Variants in TMEM150C observed in about 807,000 individuals in gnomAD.
TMEM150C encodes the protein tentonin 3.
In TMEM150C, 10 loss-of-function variants were observed where a neutral mutation model predicts 29.9. The observed-to-expected ratio is 0.33, with a 90% confidence interval of 0.21 to 0.57. The LOEUF is 0.57. Ranked by LOEUF, TMEM150C falls within the 20% of genes least tolerant of loss-of-function variation. The pLI, the probability that TMEM150C is intolerant of heterozygous loss-of-function variation, is 0.88. For synonymous variants in TMEM150C, 101 were observed against 112.5 expected, an observed-to-expected ratio of 0.90 and a Z score of 0.64; for missense variants, 251 against 303.6, an observed-to-expected ratio of 0.83 and a Z score of 1.29.
Position 82,484,294 on chromosome 4 carries a change from TG to T in TMEM150C, c.*1216del, listed in dbSNP as rs1723091545. 1 of 151,676 alleles carries T rather than the reference TG, an allele frequency of 6.6e-6. No homozygotes were observed. The highest frequency in any genetic ancestry group is 2.4e-5 in the African/African-American group (1 of 41,248). 9.4% of individuals were successfully genotyped at this position (151,676 alleles called of 1,614,324 possible). On this transcript the variant is annotated 3_prime_UTR_variant, in exon 8 of 8. Transcript: ENST00000449862. ...GTCTGAGTTCTGAACTCTCAGCAGG[TG>T]GGAACTGGGAACTGCGGGTTGGCTA...
chr4:82,523,908 C>A (rs1260757760), intron 1 of TMEM150C, among the ~76,000 whole-genome samples: 2 of 151,736 alleles, frequency 1.3e-5, no homozygotes, highest in South Asian at 2.1e-4. Flanking sequence ...TCTTGAACTC[C>A]TGACCTCAGG....
intron 1 of TMEM150C, among the ~76,000 whole-genome samples, chr4:82,530,689 G>A (rs997760883): frequency 5.3e-5 from 8 of 152,214 alleles, no homozygotes; most frequent in African/African-American, 1.9e-4. Context: ...GTAGATGGCT[G>A]TTATGAATCC....
intron 1 of TMEM150C, among the ~76,000 whole-genome samples, chr4:82,522,452 T>A (rs745587952): frequency 6.6e-6 from 1 of 152,180 alleles, no homozygotes; most frequent in Non-Finnish European, 1.5e-5. Context: ...GGAAAAGAGA[T>A]GCTTGCAGGT....
intron 1 of TMEM150C, among the ~76,000 whole-genome samples, chr4:82,528,797 T>C (rs1724740248): frequency 6.6e-6 from 1 of 152,048 alleles, no homozygotes; most frequent in African/African-American, 2.4e-5. Flanking sequence ...GGTTTCACCA[T>C]ATTGGCCAGG....
rs990906418 is a variant in TMEM150C at position 82,549,338 on chromosome 4, C to T, written c.-11+12568G>A. On this transcript the variant is annotated intron_variant, in intron 1 of 7. Transcript: ENST00000449862. ...ACATGGATGAATCATGAGGACATTACGCTAGGTGAAATAAGCCAGCCACAA... is the reference window on the plus strand; with the variant it reads ...ACATGGATGAATCATGAGGACATTATGCTAGGTGAAATAAGCCAGCCACAA... 5.3e-5 allele frequency among the ~76,000 whole-genome samples: 8 copies of T among 152,222 alleles called. No homozygotes were observed. In the South Asian group the frequency reaches 6.2e-4, roughly 12 times the overall value.
intron 1 of TMEM150C, among the ~76,000 whole-genome samples, chr4:82,513,471 T>C (rs1057225267): frequency 2.6e-5 from 4 of 151,688 alleles, no homozygotes; most frequent in Non-Finnish European, 5.9e-5. Context: ...ATAAATTTAA[T>C]GTCATGATAT....
At chr4:82,506,644 T>G (rs1371688843) in intron 1 of TMEM150C, among the ~76,000 whole-genome samples, 2 of 152,234 alleles carry the variant, frequency 1.3e-5, no homozygotes, top group African/African-American at 4.8e-5. Context: ...ATAAAAGCTA[T>G]TGTATGAACT....
intron 1 of TMEM150C, among the ~76,000 whole-genome samples, chr4:82,530,761 A>G (rs958078817): frequency 6.6e-6 from 1 of 152,228 alleles, no homozygotes; most frequent in South Asian, 2.1e-4. Context: ...AAGAGGTTTT[A>G]TTGGCTCACA....
chr4:82,516,628 T>G (rs2110076416), intron 1 of TMEM150C, among the ~76,000 whole-genome samples: 1 of 152,310 alleles, frequency 6.6e-6, no homozygotes, highest in South Asian at 2.1e-4. Context: ...TATAAATGGT[T>G]GTCTCAGTAC....
At chr4:82,503,740 C>CT (rs1366036720) in intron 2 of TMEM150C, among the ~76,000 whole-genome samples, 1 of 151,910 alleles carries the variant, frequency 6.6e-6, no homozygotes, top group African/African-American at 2.4e-5. Context: ...GTCCCATCTA[C>CT]TTGGGAGGCT....
At chr4:82,495,923 C>T (rs771691780) in intron 6 of TMEM150C, 145 bp downstream of exon 6, 12 of 1,020,718 alleles carry the variant, frequency 1.2e-5, no homozygotes, top group Non-Finnish European at 1.7e-5. Flanking sequence ...TCCGAGTTGC[C>T]ATGGAAAAGA....
At chr4:82,488,956 T>C (rs1173254293) in intron 7 of TMEM150C, among the ~76,000 whole-genome samples, 1 of 151,010 alleles carries the variant, frequency 6.6e-6, no homozygotes, top group African/African-American at 2.4e-5. Flanking sequence ...ACAGAGTCGA[T>C]CTTAGCTCGC....
At chr4:82,515,680 C>G (rs557675560) in intron 1 of TMEM150C, among the ~76,000 whole-genome samples, 1 of 150,400 alleles carries the variant, frequency 6.6e-6, no homozygotes, top group African/African-American at 2.5e-5. Flanking sequence ...GAGGTTGCAG[C>G]GAGCTGAGAT....
At chr4:82,508,332 G>A (rs1448681740) in intron 1 of TMEM150C, among the ~76,000 whole-genome samples, 1 of 151,986 alleles carries the variant, frequency 6.6e-6, no homozygotes, top group Non-Finnish European at 1.5e-5. Context: ...TTAAAGAGAT[G>A]GCATCTCACT....
At chr4:82,522,534 A>G (rs1478479871) in intron 1 of TMEM150C, among the ~76,000 whole-genome samples, 3 of 152,238 alleles carry the variant, frequency 2.0e-5, no homozygotes, top group African/African-American at 7.2e-5. Context: ...GAGAGGCATC[A>G]GATAGCACGG....
At chr4:82,562,188 G>A, upstream of TMEM150C, 1 of 1,283,788 alleles carries the variant, frequency 7.8e-7, no homozygotes, top group Non-Finnish European at 1.0e-6. Context: ...GGTGTGGGCG[G>A]GCGAGCCGCT....
intron 1 of TMEM150C, among the ~76,000 whole-genome samples, chr4:82,559,852 C>T (rs1213545577): frequency 2.0e-5 from 3 of 152,172 alleles, no homozygotes; most frequent in Non-Finnish European, 4.4e-5. Flanking sequence ...TGCAGTGAAA[C>T]CAAATGGCTG....
chr4:82,545,645 C>G (rs1342290649), intron 1 of TMEM150C, among the ~76,000 whole-genome samples: 18 of 152,112 alleles, frequency 1.2e-4, no homozygotes, highest in Non-Finnish European at 1.3e-4. Context: ...ATCCTATAAA[C>G]TTGGCCAGGT....
chr4:82,498,553 G>A (rs1723629912), intron 5 of TMEM150C, among the ~76,000 whole-genome samples: 1 of 152,156 alleles, frequency 6.6e-6, no homozygotes, highest in South Asian at 2.1e-4. Flanking sequence ...GCCTCCCAAA[G>A]TGCTGGGACT....
Sources: allele counts gnomAD v4.1 joint callset (sites outside exome capture counted in the v4.1 genomes callset), GRCh38; gene constraint gnomAD v4.1.1; transcripts MANE v1.5; gene names NCBI Gene and HGNC (gene_info 2026-07-23, HGNC 2026-07-21).